The following MDGA2 variants were observed in gnomAD, a reference collection of about 807,000 sequenced individuals.
The protein encoded by MDGA2 is MAM domain containing glycosylphosphatidylinositol anchor 2.
A neutral mutation model predicts 117.8 loss-of-function variants in MDGA2; 40 were observed. The ratio of observed to expected loss-of-function variants is 0.34; its 90% CI spans 0.26 to 0.44. MDGA2 has a LOEUF of 0.44. Among genes scored for constraint, MDGA2 ranks in the 20% least tolerant of loss-of-function variants. The pLI is 1.00. For missense variants in MDGA2, 1,123 were observed against 1,250.6 expected, an observed-to-expected ratio of 0.90 and a Z score of 1.54; for synonymous variants, 452 against 439.0, an observed-to-expected ratio of 1.03 and a Z score of -0.37.
chr14:47,052,794 G>A lies in MDGA2; in HGVS notation c.1525+8455C>T, dbSNP rs138807257. Reference sequence around the variant, plus strand: ...CCTGTGGCTTGTTTAAGAAGATGCCGCATAATCTGAGGATGGATGTTCTTC... The same window carrying A: ...CCTGTGGCTTGTTTAAGAAGATGCCACATAATCTGAGGATGGATGTTCTTC... On this transcript the variant is annotated intron_variant, in intron 7 of 16. Coordinates refer to ENST00000399232, the MANE Select transcript of MDGA2 (RefSeq NM_001113498.3). Among the ~76,000 whole-genome samples the A allele has an allele frequency of 2.3e-4, 35 of 151,836 alleles. 1 individual carries two copies. Among genetic ancestry groups the A allele is most frequent in the African/African-American group, 7.5e-4 (31 of 41,482 alleles).
At chr14:47,354,059 G>A (rs1890940747) in intron 1 of MDGA2, among the ~76,000 whole-genome samples, 1 of 151,998 alleles carries the variant, frequency 6.6e-6, no homozygotes, top group Non-Finnish European at 1.5e-5. Flanking sequence ...AAAACTATAT[G>A]ATCATCTCAA....
At chr14:46,893,469 A>G (rs1882958787) in intron 10 of MDGA2, among the ~76,000 whole-genome samples, 1 of 152,004 alleles carries the variant, frequency 6.6e-6, no homozygotes, top group Admixed American at 6.6e-5. Flanking sequence ...GTATTACATA[A>G]TATAAATTTG....
intron 1 of MDGA2, among the ~76,000 whole-genome samples, chr14:47,619,846 T>G (rs1897017432): frequency 6.6e-6 from 1 of 152,232 alleles, no homozygotes; most frequent in Non-Finnish European, 1.5e-5. Context: ...CGATTGAAAT[T>G]TAACTTATTA....
At chr14:47,469,619 T>C (rs889046958) in intron 1 of MDGA2, among the ~76,000 whole-genome samples, 16 of 152,230 alleles carry the variant, frequency 1.1e-4, no homozygotes, top group African/African-American at 3.6e-4. Flanking sequence ...AACATACGTG[T>C]GCATGTGTCT....
At chr14:47,464,554 G>A (rs527520875) in intron 1 of MDGA2, among the ~76,000 whole-genome samples, 2 of 151,910 alleles carry the variant, frequency 1.3e-5, no homozygotes, top group South Asian at 2.1e-4. Context: ...AAATGAGAGC[G>A]AAATCATAAA....
At chr14:47,069,242 T>C (rs569917332) in intron 6 of MDGA2, among the ~76,000 whole-genome samples, 37 of 152,334 alleles carry the variant, frequency 2.4e-4, no homozygotes, top group African/African-American at 8.9e-4. Context: ...AATCAATTAA[T>C]CCAATATTTT....
chr14:47,159,362 T>C (rs1331383691), intron 3 of MDGA2, among the ~76,000 whole-genome samples: 2 of 152,186 alleles, frequency 1.3e-5, no homozygotes, highest in Non-Finnish European at 2.9e-5. Flanking sequence ...TTCATGGAAA[T>C]TCCTCCAAGG....
intron 2 of MDGA2, among the ~76,000 whole-genome samples, chr14:47,221,813 T>G (rs1886313818): frequency 1.3e-5 from 2 of 151,806 alleles, no homozygotes; most frequent in Admixed American, 1.3e-4. Context: ...CATTTAATTT[T>G]TATTTTATTT....
rs754499455 is a variant in MDGA2 at position 47,651,015 on chromosome 14, T to C, written c.280+23502A>G. Among the ~76,000 whole-genome samples the C allele has an allele frequency of 3.3e-5, 5 of 152,312 alleles. No homozygotes were observed. The East Asian group carries it at 9.6e-4, about 29-fold the overall frequency. On this transcript the variant is annotated intron_variant, in intron 1 of 16. Transcript: ENST00000399232. ...AACTAACATTTATTTCAATGTTTAA[T>C]ATTAGAAGCTTTTTGGGTCTTTATT...
chr14:47,500,273 G>A (rs1466804716), intron 1 of MDGA2, among the ~76,000 whole-genome samples: 1 of 152,036 alleles, frequency 6.6e-6, no homozygotes, highest in Non-Finnish European at 1.5e-5. Flanking sequence ...AGAGGCCTCA[G>A]CCCGTAACAG....
At chr14:47,403,627 T>C (rs145780179) in intron 1 of MDGA2, among the ~76,000 whole-genome samples, 75 of 152,252 alleles carry the variant, frequency 4.9e-4, no homozygotes, top group African/African-American at 1.7e-3. Flanking sequence ...CTAACAGTTC[T>C]TCCTGCTGTT....
At chr14:47,121,805 C>T (rs1881666644) in intron 5 of MDGA2, among the ~76,000 whole-genome samples, 5 of 151,990 alleles carry the variant, frequency 3.3e-5, no homozygotes, top group Admixed American at 3.3e-4. Context: ...ATAAAATCTT[C>T]CTGACAGTGA....
intron 10 of MDGA2, among the ~76,000 whole-genome samples, chr14:46,919,721 A>C (rs943377969): frequency 6.6e-6 from 1 of 152,180 alleles, no homozygotes; most frequent in African/African-American, 2.4e-5. Context: ...CATGTAATTT[A>C]TCTCTCTTAT....
chr14:47,396,567 G>T (rs1055758769), intron 1 of MDGA2, among the ~76,000 whole-genome samples: 2 of 151,924 alleles, frequency 1.3e-5, no homozygotes, highest in African/African-American at 4.8e-5. Flanking sequence ...CAGAATGGGA[G>T]AAAATTTTTG....
intron 1 of MDGA2, among the ~76,000 whole-genome samples, chr14:47,578,848 C>T (rs944512887): frequency 6.6e-6 from 1 of 152,086 alleles, no homozygotes; most frequent in East Asian, 1.9e-4. Flanking sequence ...AAAGCATTCC[C>T]TATGTTATCC....
chr14:47,000,223 C>G (rs2138479343), intron 8 of MDGA2, among the ~76,000 whole-genome samples: 1 of 149,306 alleles, frequency 6.7e-6, no homozygotes, highest in East Asian at 2.0e-4. Flanking sequence ...CTATTTAATA[C>G]ACAAGGAATT....
rs56176876 is a variant in MDGA2 at position 47,456,294 on chromosome 14, CT to C, written c.281-154745del. On this transcript the variant is annotated intron_variant, in intron 1 of 16. Transcript: ENST00000399232. ...CAGTGTGAGCAAGAAAATTGTTTAC[CT>C]TTTTTTTTTTTTTTGAGAAGGAGTT... 6.1e-3 allele frequency among the ~76,000 whole-genome samples: 851 copies of C among 140,618 alleles called. 1 individual carries two copies. The highest frequency in any genetic ancestry group is 9.3e-3 in the Non-Finnish European group (607 of 65,242). 92.3% of individuals were successfully genotyped at this position (140,618 alleles called of 152,430 possible).
chr14:46,985,479 A>AT (rs1886827307), intron 8 of MDGA2, among the ~76,000 whole-genome samples: 1 of 151,940 alleles, frequency 6.6e-6, no homozygotes, highest in Non-Finnish European at 1.5e-5. Context: ...TGCTTTATCA[A>AT]TTTTTTGGAG....
At chr14:47,605,815 T>C (rs1896732816) in intron 1 of MDGA2, among the ~76,000 whole-genome samples, 1 of 152,148 alleles carries the variant, frequency 6.6e-6, no homozygotes, top group Non-Finnish European at 1.5e-5. Context: ...GGTATACACA[T>C]ATTTCATAAT....
Sources: allele counts gnomAD v4.1 joint callset (sites outside exome capture counted in the v4.1 genomes callset), GRCh38; gene constraint gnomAD v4.1.1; transcripts MANE v1.5; gene names NCBI Gene and HGNC (gene_info 2026-07-23, HGNC 2026-07-21).